UBE2S: variants seen among roughly 807,000 people sequenced by gnomAD.
UBE2S encodes ubiquitin-conjugating enzyme E2 S.
UBE2S carries 3 observed loss-of-function variants against 12.3 expected under a neutral mutation model. The ratio of observed to expected loss-of-function variants is 0.24; its 90% CI spans 0.11 to 0.63. The LOEUF (loss-of-function observed/expected upper bound fraction) is 0.63. UBE2S is among the 30% of genes least tolerant of loss of function. UBE2S has a pLI of 0.85. For synonymous variants in UBE2S, 133 were observed against 142.0 expected (o/e 0.94, Z 0.45); for missense variants, 211 against 313.9 (o/e 0.67, Z 2.48).
In UBE2S at chr19:55,401,297, T is replaced by C; in HGVS notation, c.*139A>G. 1 of 918,460 alleles carries C rather than the reference T, an allele frequency of 1.1e-6. No individual in the cohort carries two copies. Among genetic ancestry groups the C allele is most frequent in the Non-Finnish European group, 1.6e-6 (1 of 622,906 alleles). The allele number at this position is 918,460 out of a possible 1,614,324, so 56.9% of individuals were successfully genotyped here. ...GACACAGAAGCTGCTTTTCCAACTT[T>C]ATTTAGAAAAACAAATCCAGGTCCC... On this transcript the variant is annotated 3_prime_UTR_variant, in exon 4 of 4. Coordinates refer to ENST00000264552, the MANE Select transcript of UBE2S (RefSeq NM_014501.3).
At position 55,401,593 on chromosome 19, in the gene UBE2S, A is replaced by G; in HGVS notation, c.512T>C (p.Leu171Pro). ...GGAGGAAGCTTCAGTGCCACTGGCC[A>G]GGGCCCGACCGGCTTCGGCCCTGCC... ...PSGRAEAGRALASGTEASSTD... is the reference protein window; with the variant it reads ...PSGRAEAGRAPASGTEASSTD... Residue 171 changes from leucine to proline, a missense_variant, in exon 4 of 4, where the codon CTG becomes CCG. By Grantham distance (98) the Leu-to-Pro change is moderately conservative. Transcript: ENST00000264552. 1 of 1,608,502 alleles carries G rather than the reference A, an allele frequency of 6.2e-7. No homozygotes were observed.
Position 55,407,575 on chromosome 19 carries a change from G to T in UBE2S, c.3+12C>A. 1 of 1,494,750 alleles carries T rather than the reference G, an allele frequency of 6.7e-7. No individual in the cohort carries two copies. Among genetic ancestry groups the T allele is most frequent in the South Asian group, 1.3e-5 (1 of 77,918 alleles). 92.6% of individuals were successfully genotyped at this position (1,494,750 alleles called of 1,614,324 possible). A position where few individuals can be genotyped will look rare whatever the true frequency, so the allele number is the denominator to read the frequency against. On this transcript the variant is annotated intron_variant, in intron 1 of 3. Coordinates refer to ENST00000264552, the MANE Select transcript of UBE2S (RefSeq NM_014501.3). ...CCCGACCACCTTCATGGGCCTCATC[G>T]CCCGTGCTCACCATGGCTGCGGCCG...
chr19:55,404,253 G>A lies in UBE2S; in HGVS notation c.342+35C>T, dbSNP rs1219399723. On this transcript the variant is annotated intron_variant, in intron 3 of 3. Coordinates refer to ENST00000264552, the MANE Select transcript of UBE2S (RefSeq NM_014501.3). This position sits in a 1 kb window ranked among gnomAD's most constrained non-coding sequence, Gnocchi z 4.4. ...AGACACCAGCAGACCTCCAGAGGCA[G>A]GAGGCAGGAGGCCCAGCCCCAGCCC... The A allele has an allele frequency of 4.3e-6, 7 of 1,610,522 alleles. No individual in the cohort carries two copies. Among genetic ancestry groups the A allele is most frequent in the East Asian group, 4.5e-5 (2 of 44,876 alleles).
chr19:55,402,043 G>A (rs556509389), intron 3 of UBE2S, among the ~76,000 whole-genome samples: 4 of 152,310 alleles, frequency 2.6e-5, no homozygotes, highest in East Asian at 1.9e-4. Context: ...GCTGGGTAAC[G>A]GGGGAAACGC....
rs953993249 is a variant in UBE2S at position 55,400,642 on chromosome 19, G to C, written c.*794C>G. 1 of 152,246 alleles carries C rather than the reference G, an allele frequency of 6.6e-6. No homozygotes were observed. The highest frequency in any genetic ancestry group is 1.5e-5 in the Non-Finnish European group (1 of 68,072). The allele number at this position is 152,246 out of a possible 1,614,324, so 9.4% of individuals were successfully genotyped here. On this transcript the variant is annotated 3_prime_UTR_variant, in exon 4 of 4. Coordinates refer to ENST00000264552, the MANE Select transcript of UBE2S (RefSeq NM_014501.3). ...GAAATCAGCCAACAACCATGAGCAT[G>C]GAAGAGGACCCAGACTAAGGAACAC... is the stretch of plus-strand genomic sequence containing the variant.
At position 55,401,730 on chromosome 19, in the gene UBE2S, G is replaced by A. The variant is rs144579162; in HGVS notation, c.375C>T (p.Pro125=). Residue 125 remains proline, a synonymous_variant, in exon 4 of 4, where the codon CCC becomes CCT. Transcript: ENST00000264552. ...TIKCLLIHPN[P]ESALNEEAGR... ...CCGCCTCCTCGTTGAGTGCAGACTC[G>A]GGGTTAGGGTGGATCAGCAGGCACT... 33 of 1,613,334 alleles carry A rather than the reference G, an allele frequency of 2.0e-5. No individual in the cohort carries two copies. The highest frequency in any genetic ancestry group is 1.6e-4 in the Middle Eastern group (1 of 6,062).
At position 55,406,863 on chromosome 19, in the gene UBE2S, G is replaced by C. The variant is rs2090099325; in HGVS notation, c.103C>G (p.Pro35Ala). Reference protein sequence around the residue: ...ADPPDGIKVFPNEEDLTDLQV... With the variant: ...ADPPDGIKVFANEEDLTDLQV... ...AGGTCGGTGAGGTCCTCCTCGTTGG[G>C]AAAGACCTTGATGCCATCGGGTGGG... Residue 35 changes from proline (P) to alanine (A), a missense_variant, in exon 2 of 4, where the codon CCC becomes GCC. By Grantham distance (27) the Pro-to-Ala change is conservative (BLOSUM62 -1). Around this residue, in one of 2 missense-constraint regions of UBE2S, gnomAD observed 127 missense variants for 224.0 expected, o/e 0.57. Transcript: ENST00000264552. 1 of 1,613,898 alleles carries C rather than the reference G, an allele frequency of 6.2e-7. No homozygotes were observed. Among genetic ancestry groups the C allele is most frequent in the East Asian group, 2.2e-5 (1 of 44,862 alleles).
Position 55,407,749 on chromosome 19 carries a change from T to A in UBE2S, c.-160A>T. ...CCTCCGACGTCCGCCGCGCACAGCG[T>A]AGACCAACCCGCCGCCCCGGTGCCC... On this transcript the variant is annotated 5_prime_UTR_variant, in exon 1 of 4. Coordinates refer to ENST00000264552, the MANE Select transcript of UBE2S (RefSeq NM_014501.3). 1 of 461,244 alleles carries A rather than the reference T, an allele frequency of 2.2e-6. No individual in the cohort carries two copies. The highest frequency in any genetic ancestry group is 3.4e-6 in the Non-Finnish European group (1 of 294,516). The allele number at this position is 461,244 out of a possible 1,614,324, so 28.6% of individuals were successfully genotyped here. A position where few individuals can be genotyped will look rare whatever the true frequency, so the allele number is the denominator to read the frequency against.
intron 2 of UBE2S, among the ~76,000 whole-genome samples, chr19:55,405,606 C>A (rs10411621): frequency 1.2e-4 from 19 of 152,248 alleles, no homozygotes; most frequent in African/African-American, 4.1e-4. Context: ...GCAGCCCCCA[C>A]CTGTGTCACT....
intron 3 of UBE2S, chr19:55,403,364 G>C (rs1600320175): frequency 4.7e-6 from 2 of 428,792 alleles, no homozygotes; most frequent in Non-Finnish European, 8.3e-6. Context: ...TGGTGCATGC[G>C]TGTAATACCA....
At position 55,407,717 on chromosome 19, in the gene UBE2S, C is replaced by A; in HGVS notation, c.-128G>T. 1 of 665,654 alleles carries A rather than the reference C, an allele frequency of 1.5e-6. No individual in the cohort carries two copies. Among genetic ancestry groups the A allele is most frequent in the Non-Finnish European group, 2.1e-6 (1 of 473,532 alleles). The allele number at this position is 665,654 out of a possible 1,614,324, so 41.2% of individuals were successfully genotyped here. A position where few individuals can be genotyped will look rare whatever the true frequency, so the allele number is the denominator to read the frequency against. On this transcript the variant is annotated 5_prime_UTR_variant, in exon 1 of 4. Transcript: ENST00000264552. ...AGGCCCCGGCGGCCCCGCTCCGCTC[C>A]CCGCTGCCTCCGACGTCCGCCGCGC...
At chr19:55,407,545 A>G in intron 1 of UBE2S, 42 bp downstream of exon 1, 1 of 1,524,418 alleles carries the variant, frequency 6.6e-7, no homozygotes, top group Non-Finnish European at 8.8e-7. Flanking sequence ...TCCCTCAGGG[A>G]CACCCCCGAC....
intron 3 of UBE2S, chr19:55,403,296 CCT>C: frequency 1.8e-6 from 1 of 571,368 alleles, no homozygotes; most frequent in South Asian, 2.2e-5. Context: ...AGCAAAAAAG[CCT>C]CTAATGAGAC....
At chr19:55,405,985 T>C (rs1180915084) in intron 2 of UBE2S, among the ~76,000 whole-genome samples, 1 of 152,200 alleles carries the variant, frequency 6.6e-6, no homozygotes, top group East Asian at 1.9e-4. Flanking sequence ...ATAGGAACTT[T>C]GGAGGGATTT....
intron 2 of UBE2S, 38 bp downstream of exon 2, chr19:55,406,777 T>TAAG (rs776880119): frequency 6.3e-7 from 1 of 1,590,918 alleles, no homozygotes; most frequent in East Asian, 2.2e-5. Flanking sequence ...ATGGAGGATC[T>TAAG]AAGCAGCAGC....
rs2090081255 is a variant in UBE2S, at chr19:55,404,149, T to A, written c.342+139A>T. ...GCACTGTTTGTCTTTCCAGGAAAGC[T>A]AGCAACATGGATTTTTATGTGGAAA... On this transcript the variant is annotated intron_variant, in intron 3 of 3. Transcript: ENST00000264552. This position sits in a 1 kb window ranked among gnomAD's most constrained non-coding sequence, Gnocchi z 4.4. 1 of 1,154,388 alleles carries A rather than the reference T, an allele frequency of 8.7e-7. No individual in the cohort carries two copies. Among genetic ancestry groups the A allele is most frequent in the Middle Eastern group, 2.9e-4 (1 of 3,442 alleles). The allele number at this position is 1,154,388 out of a possible 1,614,324, so 71.5% of individuals were successfully genotyped here. A position where few individuals can be genotyped will look rare whatever the true frequency, so the allele number is the denominator to read the frequency against.
Position 55,400,981 on chromosome 19 carries a change from CGTG to C in UBE2S, c.*452_*454del. 2 of 165,212 alleles carry C rather than the reference CGTG, an allele frequency of 1.2e-5. No individual in the cohort carries two copies. Among genetic ancestry groups the C allele is most frequent in the South Asian group, 3.1e-4 (2 of 6,450 alleles). The allele number at this position is 165,212 out of a possible 1,614,324, so 10.2% of individuals were successfully genotyped here. A position where few individuals can be genotyped will look rare whatever the true frequency, so the allele number is the denominator to read the frequency against. On this transcript the variant is annotated 3_prime_UTR_variant, in exon 4 of 4. Coordinates refer to ENST00000264552, the MANE Select transcript of UBE2S (RefSeq NM_014501.3). The stretch of plus-strand genomic sequence containing the variant: ...AGCAGGAACACCACTGCCACACCAA[CGTG>C]GCCATTATTCTAGAGGGAGAAGTAT...
chr19:55,404,174 A>G lies in UBE2S; in HGVS notation c.342+114T>C. ...TAGCAACATGGATTTTTATGTGGAA[A>G]CCTTCAACCACTTCAGAGTTGATTC... On this transcript the variant is annotated intron_variant, in intron 3 of 3. Coordinates refer to ENST00000264552, the MANE Select transcript of UBE2S (RefSeq NM_014501.3). This position sits in a 1 kb window ranked among gnomAD's most constrained non-coding sequence, Gnocchi z 4.4. 1 of 1,342,816 alleles carries G rather than the reference A, an allele frequency of 7.4e-7. No homozygotes were observed. The highest frequency in any genetic ancestry group is 2.5e-5 in the East Asian group (1 of 40,370). The allele number at this position is 1,342,816 out of a possible 1,614,324, so 83.2% of individuals were successfully genotyped here. A position where few individuals can be genotyped will look rare whatever the true frequency, so the allele number is the denominator to read the frequency against.
intron 2 of UBE2S, among the ~76,000 whole-genome samples, chr19:55,405,569 C>T (rs2090091729): frequency 6.6e-6 from 1 of 152,038 alleles, no homozygotes; most frequent in South Asian, 2.1e-4. Context: ...GGACCTCCCC[C>T]AAAACCTCAG....
Sources: allele counts gnomAD v4.1 joint callset (sites outside exome capture counted in the v4.1 genomes callset), GRCh38; gene constraint gnomAD v4.1.1; regional missense constraint gnomAD v4.1.1; non-coding constraint Gnocchi (gnomAD v3.1); transcripts MANE v1.5; gene names NCBI Gene and HGNC (gene_info 2026-07-23, HGNC 2026-07-21).